Variants in GLUD1 observed in about 807,000 individuals in gnomAD.
The protein encoded by GLUD1 is glutamate dehydrogenase 1, mitochondrial.
In GLUD1, 22 loss-of-function variants were observed where a neutral mutation model predicts 56.0. The ratio of observed to expected loss-of-function variants is 0.39; its 90% confidence interval spans 0.28 to 0.56. The LOEUF (loss-of-function observed/expected upper bound fraction) is 0.56, where lower values mean the gene tolerates loss of function less well. Ranked by LOEUF, GLUD1 falls within the 20% of genes least tolerant of loss-of-function variation. The probability of loss-of-function intolerance (pLI) is 0.58; values close to 1 mark genes in which losing one functional copy is unlikely to be tolerated. For synonymous variants in GLUD1, 223 were observed against 269.9 expected, an observed-to-expected ratio of 0.83 and a Z score of 1.70; for missense variants, 451 against 732.0, an observed-to-expected ratio of 0.62 and a Z score of 4.43.
chr10:87,055,084 T>C (rs1226567533), intron 11 of GLUD1, among the ~76,000 whole-genome samples: 1 of 152,072 alleles, frequency 6.6e-6, no homozygotes, highest in African/African-American at 2.4e-5. Context: ...GGAAAAGCAG[T>C]ATGACTGCTG....
intron 5 of GLUD1, among the ~76,000 whole-genome samples, chr10:87,064,857 C>T (rs544178419): frequency 8.5e-5 from 13 of 152,142 alleles, no homozygotes; most frequent in African/African-American, 2.7e-4. Flanking sequence ...TCAGGCCTGG[C>T]GCCAACTGCC....
intron 6 of GLUD1, among the ~76,000 whole-genome samples, chr10:87,062,344 ATG>A (rs1845959319): frequency 6.6e-6 from 1 of 152,260 alleles, no homozygotes; most frequent in Non-Finnish European, 1.5e-5. Context: ...TTAGAAAATT[ATG>A]TTAAGAGACT....
chr10:87,068,737 G>A (rs1846142675), intron 4 of GLUD1, among the ~76,000 whole-genome samples: 1 of 152,004 alleles, frequency 6.6e-6, no homozygotes, highest in Non-Finnish European at 1.5e-5. Context: ...CACATATAAG[G>A]TTTTAGGCCT....
Position 87,051,665 on chromosome 10 carries a change from G to A in GLUD1, c.*86C>T. On this transcript the variant is annotated 3_prime_UTR_variant, in exon 13 of 13. Transcript: ENST00000277865. ...ATTATTAATGAGTCAGGAGAGAAAG[G>A]GATTTCTGTGGTTACATGTAAACTT... 7.1e-7 allele frequency: 1 copy of A among 1,414,120 alleles called. No homozygotes were observed. Among genetic ancestry groups the A allele is most frequent in the Non-Finnish European group, 1.0e-6 (1 of 999,400 alleles). The allele number at this position is 1,414,120 out of a possible 1,614,324, so 87.6% of individuals were successfully genotyped here.
chr10:87,076,133 G>C, intron 2 of GLUD1, 110 bp from the exon 3 acceptor site: 2 of 803,128 alleles, frequency 2.5e-6, no homozygotes, highest in Non-Finnish European at 4.3e-6. Flanking sequence ...TTGAATTTCT[G>C]AAAATTCAAG....
At chr10:87,085,570 C>T (rs768038312) in intron 1 of GLUD1, among the ~76,000 whole-genome samples, 4 of 151,914 alleles carry the variant, frequency 2.6e-5, no homozygotes, top group Non-Finnish European at 4.4e-5. Context: ...AAAGAAAAAA[C>T]GGAAGAATAC....
At chr10:87,060,620 CT>C (rs1427087830) in intron 8 of GLUD1, 67 bp downstream of exon 8, 4 of 1,578,724 alleles carry the variant, frequency 2.5e-6, no homozygotes, top group Non-Finnish European at 3.5e-6. Flanking sequence ...CTCAATCAGA[CT>C]CTTCTATGAC....
intron 1 of GLUD1, among the ~76,000 whole-genome samples, chr10:87,077,317 C>G (rs995224034): frequency 6.6e-6 from 1 of 152,088 alleles, no homozygotes; most frequent in African/African-American, 2.4e-5. Flanking sequence ...GGCAAGAATT[C>G]TGCTTTCTGA....
intron 5 of GLUD1, among the ~76,000 whole-genome samples, chr10:87,064,197 G>A (rs1020459554): frequency 6.6e-6 from 1 of 152,160 alleles, no homozygotes; most frequent in South Asian, 2.1e-4. Flanking sequence ...ACAGGCGTGA[G>A]CCACCGCGCC....
chr10:87,072,631 G>A (rs12416157), intron 4 of GLUD1, among the ~76,000 whole-genome samples: 6,730 of 152,256 alleles, frequency 0.044, 384 homozygotes, highest in Admixed American at 0.12. Flanking sequence ...AATTACTAGA[G>A]TTTAAGCTGT....
chr10:87,051,829 G>C lies in GLUD1; in HGVS notation c.1599C>G (p.Asp533Glu). 2 of 1,613,944 alleles carry C rather than the reference G, an allele frequency of 1.2e-6. No individual in the cohort carries two copies. The highest frequency in any genetic ancestry group is 1.7e-6 in the Non-Finnish European group (2 of 1,179,916). ...RTAMKYNLGL[D>E]LRTAAYVNAI... Reference sequence around the variant, plus strand: ...CATTAACATAGGCAGCTGTTCTCAGGTCCAATCCCAGGTTATACTTCATGG... The same window carrying C: ...CATTAACATAGGCAGCTGTTCTCAGCTCCAATCCCAGGTTATACTTCATGG... Residue 533 changes from aspartate to glutamate, a missense_variant, in exon 13 of 13, where the codon GAC becomes GAG. Around this residue, in one of 4 missense-constraint regions of GLUD1, gnomAD observed 43 missense variants for 61.6 expected, o/e 0.70. Transcript: ENST00000277865.
Position 87,094,532 on chromosome 10 carries a change from T to C in GLUD1, c.238A>G (p.Ile80Val). 1 of 1,612,716 alleles carries C rather than the reference T, an allele frequency of 6.2e-7. No homozygotes were observed. Reference protein sequence around the residue: ...VEGFFDRGASIVEDKLVEDLR... With the variant: ...VEGFFDRGASVVEDKLVEDLR... ...TCCTCCACCAGCTTGTCCTCCACGATGCTGGCGCCGCGATCGAAGAAGCCC... is the reference window on the plus strand; with the variant it reads ...TCCTCCACCAGCTTGTCCTCCACGACGCTGGCGCCGCGATCGAAGAAGCCC... The change falls in exon 1 of 13, where the codon ATC becomes GTC. Residue 80 changes from isoleucine to valine, a missense_variant. Coordinates refer to ENST00000277865, the MANE Select transcript of GLUD1 (RefSeq NM_005271.5). This position sits in a 1 kb window ranked among gnomAD's most constrained non-coding sequence, Gnocchi z 6.6.
chr10:87,057,980 T>G (rs1845832351), intron 10 of GLUD1, among the ~76,000 whole-genome samples, 198 bp from the exon 11 acceptor site: 1 of 152,178 alleles, frequency 6.6e-6, no homozygotes, highest in Non-Finnish European at 1.5e-5. Flanking sequence ...GCCATTCTCC[T>G]GCCTCAGCCT....
intron 1 of GLUD1, chr10:87,093,899 A>G: frequency 3.8e-6 from 5 of 1,314,784 alleles, no homozygotes; most frequent in Non-Finnish European, 5.0e-6. Context: ...ATACCAGAAA[A>G]TAATTTGACA....
chr10:87,059,490 C>A (rs1845874410), intron 9 of GLUD1, among the ~76,000 whole-genome samples: 1 of 151,036 alleles, frequency 6.6e-6, no homozygotes, highest in African/African-American at 2.4e-5. Context: ...AAAAAAAAAT[C>A]ATTTTTTGGC....
At chr10:87,078,586 C>G (rs148376574) in intron 1 of GLUD1, among the ~76,000 whole-genome samples, 2,103 of 151,876 alleles carry the variant, frequency 0.014, 48 homozygotes, top group African/African-American at 0.048. Context: ...AAATACATGC[C>G]GAATTAATAT....
intron 4 of GLUD1, among the ~76,000 whole-genome samples, chr10:87,074,068 T>C (rs1226765261): frequency 6.6e-6 from 1 of 151,732 alleles, no homozygotes; most frequent in Non-Finnish European, 1.5e-5. Context: ...ACATGACAAA[T>C]ACTTACATAT....
Position 87,094,566 on chromosome 10 carries a change from C to T in GLUD1, c.204G>A (p.Lys68=). The T allele has an allele frequency of 2.5e-6, 4 of 1,612,056 alleles. No homozygotes were observed. Among genetic ancestry groups the T allele is most frequent in the Non-Finnish European group, 3.4e-6 (4 of 1,179,898 alleles). The change falls in exon 1 of 13, where the codon AAG becomes AAA. Residue 68 remains lysine, a synonymous_variant. Transcript: ENST00000277865. The surrounding 1 kb of genome is among the most constrained non-coding windows in gnomAD (Gnocchi z 6.6). ...CGCGATCGAAGAAGCCCTCCACCAT[C>T]TTGAAGAAGTTGGGGTCGTCCTCGC... ...ADREDDPNFF[K]MVEGFFDRGA...
intron 8 of GLUD1, 189 bp from the exon 9 acceptor site, chr10:87,060,430 T>G: frequency 1.5e-6 from 1 of 663,400 alleles, no homozygotes; most frequent in Non-Finnish European, 2.6e-6. Flanking sequence ...TTATCTAGGT[T>G]TTTTTTTTGT....
Sources: gnomAD v4.1 joint callset for allele counts (sites outside exome capture counted in the v4.1 genomes callset) on GRCh38, gnomAD v4.1.1 for gene constraint, gnomAD v4.1.1 regional missense constraint, Gnocchi (gnomAD v3.1) non-coding constraint, MANE v1.5 for transcripts, NCBI Gene and HGNC (gene_info 2026-07-23, HGNC 2026-07-21) for gene names.